Variants in OGT observed in about 807,000 individuals in gnomAD.
OGT encodes UDP-N-acetylglucosamine--peptide N-acetylglucosaminyltransferase 110 kDa subunit.
In OGT, 3 loss-of-function variants were observed where a neutral mutation model predicts 75.8. That is an observed-to-expected ratio of 0.04 (90% CI 0.02 to 0.10). The LOEUF (loss-of-function observed/expected upper bound fraction) is 0.10, where lower values mean the gene tolerates loss of function less well. Among genes scored for constraint, OGT ranks in the 10% least tolerant of loss-of-function variants. The pLI is 1.00. For synonymous variants in OGT, 257 were observed against 289.7 expected (o/e 0.89, Z 1.15); for missense variants, 260 against 824.4 (o/e 0.32, Z 8.38).
intron 21 of OGT, among the ~76,000 whole-genome samples, chrX:71,571,394 GA>G (rs1447430665): frequency 9.0e-6 from 1 of 111,576 alleles, no homozygotes; most frequent in African/African-American, 3.3e-5. Context: ...TCATTAACTG[GA>G]GTTCAGTACA....
intron 12 of OGT, among the ~76,000 whole-genome samples, chrX:71,558,648 C>G (rs943406313): frequency 9.0e-6 from 1 of 111,168 alleles, no homozygotes; most frequent in Admixed American, 9.6e-5. Flanking sequence ...TGAGCCACTG[C>G]CCCCAGCCAT....
chrX:71,558,904 G>T (rs1450290639), intron 12 of OGT, among the ~76,000 whole-genome samples: 1 of 102,516 alleles, frequency 9.8e-6, no homozygotes, highest in Non-Finnish European at 2.0e-5. Flanking sequence ...CTCCCAGGTA[G>T]CTGGGACTAC....
At chrX:71,533,402 A>G (rs1460685033) in intron 1 of OGT, 66 bp downstream of exon 1, 2 of 981,991 alleles carry the variant, frequency 2.0e-6, no homozygotes, top group African/African-American at 1.9e-5. Flanking sequence ...TCTACCTTGT[A>G]TCACTCCTTC....
chrX:71,547,410 A>G, intron 4 of OGT: 1 of 714,313 alleles, frequency 1.4e-6, no homozygotes, highest in African/African-American at 2.3e-5. Flanking sequence ...TCCAGTAAAG[A>G]AACCTATTTT....
intron 12 of OGT, among the ~76,000 whole-genome samples, chrX:71,558,704 C>T (rs1248643016): frequency 3.8e-5 from 4 of 105,067 alleles, no homozygotes; most frequent in Non-Finnish European, 7.8e-5. Context: ...TTCTAAAATG[C>T]GGGAGGAAAC....
At position 71,573,745 on chromosome X, in the gene OGT, A is replaced by G. The variant is rs2040473495; in HGVS notation, c.3092A>G (p.Asn1031Ser). Residue 1031 changes from asparagine to serine, a missense_variant, in exon 22 of 22, where the codon AAC becomes AGC. By Grantham distance (46) the Asn-to-Ser change is conservative. Coordinates refer to ENST00000373719, the MANE Select transcript of OGT (RefSeq NM_181672.3). ...ATGTGGGAGCATTATGCAGCTGGCA[A>G]CAAACCTGACCACATGATTAAGCCT... ...LQMWEHYAAG[N>S]KPDHMIKPVE... 2.5e-6 allele frequency: 3 copies of G among 1,207,986 alleles called. No homozygotes were observed. Among genetic ancestry groups the G allele is most frequent in the Non-Finnish European group, 3.4e-6 (3 of 894,126 alleles).
rs1470038574 is a variant in OGT, at chrX:71,557,300, A to G, written c.1422+4A>G. Reference sequence around the variant, plus strand: ...TAACTTGGCTCATTGCCTGCAGGTAAAGAATAACAGGCCAGTAATTGGCTC... The same window carrying G: ...TAACTTGGCTCATTGCCTGCAGGTAGAGAATAACAGGCCAGTAATTGGCTC... On this transcript the variant is annotated splice_donor_region_variant and intron_variant, in intron 11 of 21. Coordinates refer to ENST00000373719, the MANE Select transcript of OGT (RefSeq NM_181672.3). 4.2e-6 allele frequency: 5 copies of G among 1,177,229 alleles called. No homozygotes were observed.
chrX:71,557,006 G>C lies in OGT; in HGVS notation c.1221G>C (p.Glu407Asp). The change falls in exon 10 of 22, where the codon GAG (glutamate) becomes GAC (aspartate). Residue 407 changes from glutamate (E) to aspartate (D), a missense_variant. Physicochemically the swap from Glu to Asp is conservative, Grantham distance 45 (BLOSUM62 2). This residue lies in a region of OGT where 99 missense variants were observed against 417.9 expected (regional missense o/e 0.24). Coordinates refer to ENST00000373719, the MANE Select transcript of OGT (RefSeq NM_181672.3). Reference sequence around the variant, plus strand: ...CTAATATGGGAAACACTCTAAAGGAGATGCAGGATGTTCAGGGAGCCTTGC... The same window carrying C: ...CTAATATGGGAAACACTCTAAAGGACATGCAGGATGTTCAGGGAGCCTTGC... ...AYSNMGNTLKEMQDVQGALQC... is the reference protein window; with the variant it reads ...AYSNMGNTLKDMQDVQGALQC... 8.3e-7 allele frequency: 1 copy of C among 1,209,577 alleles called. No individual in the cohort carries two copies.
At position 71,559,288 on chromosome X, in the gene OGT, C is replaced by A. The variant is rs1467492779; in HGVS notation, c.1624C>A (p.Pro542Thr). The change falls in exon 13 of 22, where the codon CCA (proline) becomes ACA (threonine). Residue 542 changes from proline to threonine, a missense_variant. Pro to Thr is a conservative substitution (Grantham distance 38, BLOSUM62 -1). Transcript: ENST00000373719. ...ATAGATTAATGTTCTTCATAAACCA[C>A]CATATGAACATCCAAAAGACTTGAA... ...LDKINVLHKPPYEHPKDLKLS... is the reference protein window; with the variant it reads ...LDKINVLHKPTYEHPKDLKLS... 1 of 1,208,986 alleles carries A rather than the reference C, an allele frequency of 8.3e-7. No individual in the cohort carries two copies. Among genetic ancestry groups the A allele is most frequent in the Non-Finnish European group, 1.1e-6 (1 of 893,724 alleles).
intron 1 of OGT, among the ~76,000 whole-genome samples, chrX:71,535,768 T>G (rs778369073): frequency 1.2e-4 from 14 of 112,191 alleles, no homozygotes; most frequent in East Asian, 2.8e-4. Flanking sequence ...TATGTTATTC[T>G]GATATTATTA....
intron 5 of OGT, among the ~76,000 whole-genome samples, chrX:71,552,549 C>G (rs1263698341): frequency 1.8e-5 from 2 of 109,745 alleles, no homozygotes; most frequent in African/African-American, 3.3e-5. Flanking sequence ...CCATCATGCC[C>G]GGCTAGCTTT....
intron 3 of OGT, among the ~76,000 whole-genome samples, chrX:71,539,362 A>AT (rs764657376): frequency 5.4e-5 from 6 of 110,667 alleles, no homozygotes; most frequent in Admixed American, 1.9e-4. Context: ...TTTAAAAAAC[A>AT]TTTTTTTTTA....
intron 4 of OGT, chrX:71,546,148 A>G (rs2040258238): frequency 1.3e-6 from 1 of 752,774 alleles, no homozygotes; most frequent in Admixed American, 8.8e-5. Flanking sequence ...TCCAGCAAAA[A>G]TCCCTGCTGT....
chrX:71,569,067 C>T (rs183077371), intron 21 of OGT, among the ~76,000 whole-genome samples: 27 of 111,484 alleles, frequency 2.4e-4, no homozygotes, highest in Non-Finnish European at 2.1e-4. Context: ...CGGTGGCTCA[C>T]GCCTGTAATC....
At chrX:71,545,966 T>G (rs2040257096) in intron 4 of OGT, 1 of 150,569 alleles carries the variant, frequency 6.6e-6, no homozygotes, top group African/African-American at 3.2e-5. Flanking sequence ...GACACCTAGT[T>G]TGAAAAATGT....
At chrX:71,552,226 C>T (rs1336803634) in intron 5 of OGT, among the ~76,000 whole-genome samples, 3 of 109,199 alleles carry the variant, frequency 2.7e-5, no homozygotes, top group Non-Finnish European at 5.7e-5. Context: ...GACACTCCGT[C>T]TCCAAAAATA....
chrX:71,552,865 G>GT (rs990931493), intron 5 of OGT, among the ~76,000 whole-genome samples: 14 of 111,022 alleles, frequency 1.3e-4, no homozygotes, highest in African/African-American at 4.6e-4. Context: ...AAGAGGGGGA[G>GT]TAAGTTGGAG....
chrX:71,534,095 A>G (rs2040156340), intron 1 of OGT, among the ~76,000 whole-genome samples: 1 of 109,537 alleles, frequency 9.1e-6, no homozygotes, highest in South Asian at 4.0e-4. Context: ...AGCCCTGTTC[A>G]CTTCCTATCC....
intron 14 of OGT, among the ~76,000 whole-genome samples, chrX:71,560,877 A>AG (rs776004555): frequency 9.0e-6 from 1 of 110,665 alleles, no homozygotes; most frequent in South Asian, 3.8e-4. Flanking sequence ...TCAATACTTT[A>AG]ACTCACCATT....
Sources: allele counts gnomAD v4.1 joint callset (sites outside exome capture counted in the v4.1 genomes callset), GRCh38; gene constraint gnomAD v4.1.1; regional missense constraint gnomAD v4.1.1; transcripts MANE v1.5; gene names NCBI Gene and HGNC (gene_info 2026-07-23, HGNC 2026-07-21).